ARHGAP10: variants seen among roughly 807,000 people sequenced by gnomAD.
ARHGAP10 encodes Rho GTPase activating protein 10.
A neutral mutation model predicts 108.6 loss-of-function variants in ARHGAP10; 87 were observed. That is an observed-to-expected ratio of 0.80 (90% CI 0.67 to 0.96). ARHGAP10 has a LOEUF of 0.96. ARHGAP10 is among the 40% of genes least tolerant of loss of function. ARHGAP10 has a pLI of 0.00. For synonymous variants in ARHGAP10, 347 were observed against 341.1 expected (o/e 1.02, Z -0.19); for missense variants, 939 against 954.5 (o/e 0.98, Z 0.21).
chr4:147,958,818 C>T (rs755096068), intron 16 of ARHGAP10, among the ~76,000 whole-genome samples: 12 of 152,288 alleles, frequency 7.9e-5, no homozygotes, highest in Non-Finnish European at 1.0e-4. Context: ...TCTGTGTCTT[C>T]GATAAGCTCC....
intron 3 of ARHGAP10, among the ~76,000 whole-genome samples, chr4:147,829,273 C>G (rs891912856): frequency 6.6e-6 from 1 of 151,940 alleles, no homozygotes; most frequent in Admixed American, 6.6e-5. Flanking sequence ...AGGTTGGTCT[C>G]GATCTCCTGA....
At chr4:147,999,501 G>A (rs1342375022) in intron 18 of ARHGAP10, among the ~76,000 whole-genome samples, 2 of 152,200 alleles carry the variant, frequency 1.3e-5, no homozygotes, top group Non-Finnish European at 2.9e-5. Context: ...GATCCGGCAG[G>A]GTGTCTGCTG....
chr4:147,898,044 G>A (rs1029419238), intron 10 of ARHGAP10, among the ~76,000 whole-genome samples: 1 of 151,810 alleles, frequency 6.6e-6, no homozygotes, highest in Non-Finnish European at 1.5e-5. Context: ...TAGTAGAGAT[G>A]GGGTTTCACC....
At chr4:148,060,158 A>G (rs924960668) in intron 20 of ARHGAP10, among the ~76,000 whole-genome samples, 12 of 152,184 alleles carry the variant, frequency 7.9e-5, no homozygotes, top group South Asian at 4.1e-4. Flanking sequence ...AAAATGTTTT[A>G]AATAAAAGAA....
At chr4:147,824,321 C>CA (rs57613352) in intron 3 of ARHGAP10, among the ~76,000 whole-genome samples, 16,195 of 136,258 alleles carry the variant, frequency 0.12, 2,104 homozygotes, top group African/African-American at 0.32. Flanking sequence ...GACTCTGTCT[C>CA]AAAAAAAAAA....
rs951325580 is a variant in ARHGAP10 at position 147,804,346 on chromosome 4, G to A, written c.155-18381G>A. 3.3e-5 allele frequency among the ~76,000 whole-genome samples: 5 copies of A among 151,874 alleles called. No individual in the cohort carries two copies. The South Asian group carries it at 1.0e-3, about 32-fold the overall frequency. On this transcript the variant is annotated intron_variant, in intron 1 of 22. Coordinates refer to ENST00000336498, the MANE Select transcript of ARHGAP10 (RefSeq NM_024605.4). Reference sequence around the variant, plus strand: ...GACATGATGGTGTTCTTTTTTTTATGGCCATATATTATTCCATGGTGTATA... The same window carrying A: ...GACATGATGGTGTTCTTTTTTTTATAGCCATATATTATTCCATGGTGTATA...
chr4:147,864,004 C>G (rs1192714409), intron 5 of ARHGAP10: 1 of 152,236 alleles, frequency 6.6e-6, no homozygotes, highest in Non-Finnish European at 1.5e-5. Context: ...TGTTGAGTGT[C>G]TTTTCACATG....
intron 1 of ARHGAP10, among the ~76,000 whole-genome samples, chr4:147,812,453 A>G (rs1315201344): frequency 1.3e-5 from 2 of 152,010 alleles, no homozygotes; most frequent in African/African-American, 2.4e-5. Flanking sequence ...TTCATTTTCT[A>G]ACAGCCACAT....
chr4:148,033,897 G>A (rs1360358768), intron 19 of ARHGAP10, among the ~76,000 whole-genome samples: 1 of 152,154 alleles, frequency 6.6e-6, no homozygotes, highest in African/African-American at 2.4e-5. Context: ...TCATGGTTAC[G>A]TTGTCCCGGC....
intron 6 of ARHGAP10, 32 bp from the exon 7 acceptor site, chr4:147,866,680 G>A (rs773710128): frequency 2.0e-6 from 3 of 1,510,288 alleles, no homozygotes; most frequent in Non-Finnish European, 2.7e-6. Flanking sequence ...GAGTTTTTTT[G>A]TGCTAATATC....
intron 10 of ARHGAP10, among the ~76,000 whole-genome samples, chr4:147,889,800 T>G (rs899989726): frequency 6.6e-6 from 1 of 152,214 alleles, no homozygotes; most frequent in Non-Finnish European, 1.5e-5. Flanking sequence ...TTGATCTGTG[T>G]AGATATAAAT....
chr4:148,040,817 G>C (rs561023813), intron 19 of ARHGAP10, among the ~76,000 whole-genome samples: 1 of 152,132 alleles, frequency 6.6e-6, no homozygotes, highest in Admixed American at 6.5e-5. Context: ...AAAGATTTGG[G>C]GGGGGTTATT....
At chr4:147,732,999 T>C (rs1198929856) in intron 1 of ARHGAP10, among the ~76,000 whole-genome samples, 1 of 152,202 alleles carries the variant, frequency 6.6e-6, no homozygotes, top group African/African-American at 2.4e-5. Context: ...TTCCAGGTCC[T>C]TCACGTGCCA....
chr4:147,806,976 A>G (rs920401281), intron 1 of ARHGAP10, among the ~76,000 whole-genome samples: 1 of 152,218 alleles, frequency 6.6e-6, no homozygotes, highest in Non-Finnish European at 1.5e-5. Flanking sequence ...AGTAAGCGTG[A>G]AACCCGGTGA....
chr4:147,748,004 C>CGTGT (rs1729005575), intron 1 of ARHGAP10, among the ~76,000 whole-genome samples: 7 of 152,150 alleles, frequency 4.6e-5, no homozygotes. Context: ...CTGCTAAACA[C>CGTGT]CCTGCAGTGC....
intron 1 of ARHGAP10, among the ~76,000 whole-genome samples, chr4:147,749,456 T>C (rs571097527): frequency 2.6e-5 from 4 of 152,368 alleles, no homozygotes; most frequent in African/African-American, 7.2e-5. Flanking sequence ...AAACTAATTT[T>C]TGTGGGTATC....
At chr4:147,850,564 TAA>T (rs1485816758) in intron 4 of ARHGAP10, among the ~76,000 whole-genome samples, 1 of 152,114 alleles carries the variant, frequency 6.6e-6, no homozygotes, top group Non-Finnish European at 1.5e-5. Flanking sequence ...GCTTCACTCC[TAA>T]GTCAGCAAGA....
intron 3 of ARHGAP10, among the ~76,000 whole-genome samples, chr4:147,824,778 C>A (rs1182607903): frequency 6.6e-6 from 1 of 152,180 alleles, no homozygotes; most frequent in Non-Finnish European, 1.5e-5. Flanking sequence ...CCTGGTCCTG[C>A]CCTTGACATG....
At chr4:148,023,482 C>A (rs1056704031) in intron 19 of ARHGAP10, 69 bp downstream of exon 19, 5 of 1,456,598 alleles carry the variant, frequency 3.4e-6, no homozygotes, top group Non-Finnish European at 3.7e-6. Context: ...GTCGTCAGGG[C>A]AGGCCACAGT....
Sources: allele counts gnomAD v4.1 joint callset (sites outside exome capture counted in the v4.1 genomes callset), GRCh38; gene constraint gnomAD v4.1.1; transcripts MANE v1.5; gene names NCBI Gene and HGNC (gene_info 2026-07-23, HGNC 2026-07-21).